The following PARM1 variants were observed in gnomAD, a reference collection of about 807,000 sequenced individuals.
The protein encoded by PARM1 is WSC4, cell wall integrity and stress response component 4 homolog.
A neutral mutation model predicts 24.6 loss-of-function variants in PARM1; 14 were observed. That is an observed-to-expected ratio of 0.57 (90% CI 0.38 to 0.89). PARM1 has a LOEUF of 0.89. PARM1 is among the 40% of genes least tolerant of loss of function. PARM1 has a pLI of 0.00. For synonymous variants in PARM1, 179 were observed against 156.6 expected (o/e 1.14, Z -1.07); for missense variants, 362 against 380.4 (o/e 0.95, Z 0.40).
At chr4:74,978,672 T>A (rs1722185870) in intron 1 of PARM1, among the ~76,000 whole-genome samples, 1 of 152,154 alleles carries the variant, frequency 6.6e-6, no homozygotes, top group African/African-American at 2.4e-5. Context: ...CTTCTCAGAA[T>A]TGCCTGACAC....
At chr4:74,954,220 T>G (rs1272802616) in intron 1 of PARM1, among the ~76,000 whole-genome samples, 2 of 152,220 alleles carry the variant, frequency 1.3e-5, no homozygotes, top group Non-Finnish European at 2.9e-5. Context: ...ATAGACCCAA[T>G]TTTTCTTTTA....
chr4:75,042,464 C>T (rs566239109), intron 3 of PARM1, among the ~76,000 whole-genome samples: 1 of 152,268 alleles, frequency 6.6e-6, no homozygotes, highest in South Asian at 2.1e-4. Flanking sequence ...AGCAAAGAGA[C>T]CTTGGTTTCA....
chr4:75,034,417 A>T (rs575867778), intron 3 of PARM1, among the ~76,000 whole-genome samples: 1 of 152,228 alleles, frequency 6.6e-6, no homozygotes, highest in Admixed American at 6.5e-5. Context: ...ATTGATTCCA[A>T]TGCAAAATGT....
chr4:75,005,210 C>T (rs13435881), intron 1 of PARM1, among the ~76,000 whole-genome samples: 31,611 of 151,946 alleles, frequency 0.21, 3,970 homozygotes, highest in East Asian at 0.34. Flanking sequence ...CTCTGCCAGG[C>T]GACCACAAGC....
intron 2 of PARM1, among the ~76,000 whole-genome samples, chr4:75,013,356 T>C (rs1432310498): frequency 6.6e-6 from 1 of 152,242 alleles, no homozygotes; most frequent in Middle Eastern, 3.2e-3. Flanking sequence ...TGCACCTTTA[T>C]GACCTGTTTT....
At chr4:75,041,428 T>C (rs1397756879) in intron 3 of PARM1, among the ~76,000 whole-genome samples, 8 of 152,180 alleles carry the variant, frequency 5.3e-5, no homozygotes. Flanking sequence ...TAGCACATGG[T>C]AAGCACTAAT....
At chr4:74,963,992 C>T (rs1560777171) in intron 1 of PARM1, among the ~76,000 whole-genome samples, 1 of 152,328 alleles carries the variant, frequency 6.6e-6, no homozygotes, top group East Asian at 1.9e-4. Context: ...AAATGTATCT[C>T]TTCCCTTCTG....
chr4:75,033,290 C>T (rs1365688464), intron 2 of PARM1, among the ~76,000 whole-genome samples: 1 of 152,128 alleles, frequency 6.6e-6, no homozygotes, highest in Non-Finnish European at 1.5e-5. Context: ...GAACATATTT[C>T]CCACAGAGGA....
At chr4:74,949,686 A>G (rs1343943024) in intron 1 of PARM1, among the ~76,000 whole-genome samples, 1 of 152,204 alleles carries the variant, frequency 6.6e-6, no homozygotes, top group African/African-American at 2.4e-5. Context: ...AACATCACCT[A>G]GGCAAGGCCA....
At chr4:74,980,351 G>C (rs752728559) in intron 1 of PARM1, among the ~76,000 whole-genome samples, 122 of 152,174 alleles carry the variant, frequency 8.0e-4, no homozygotes, top group African/African-American at 2.8e-3. Context: ...AATCATGAAC[G>C]AACTTCTATT....
At chr4:74,935,564 T>C (rs1721162980) in intron 1 of PARM1, among the ~76,000 whole-genome samples, 2 of 152,194 alleles carry the variant, frequency 1.3e-5, no homozygotes, top group Admixed American at 6.5e-5. Flanking sequence ...AGCAAATCTC[T>C]AGTTAGTTTC....
At chr4:75,010,449 T>A (rs1722849111) in intron 1 of PARM1, among the ~76,000 whole-genome samples, 1 of 152,350 alleles carries the variant, frequency 6.6e-6, no homozygotes, top group East Asian at 1.9e-4. Context: ...TTGCACAATA[T>A]GTATATATAG....
intron 1 of PARM1, among the ~76,000 whole-genome samples, chr4:74,950,711 T>G (rs1027029317): frequency 1.3e-5 from 2 of 152,242 alleles, no homozygotes; most frequent in Non-Finnish European, 2.9e-5. Flanking sequence ...ATTACTTTTA[T>G]TCAAGATAGC....
intron 1 of PARM1, among the ~76,000 whole-genome samples, chr4:74,944,157 G>A (rs1157598123): frequency 6.6e-6 from 1 of 152,080 alleles, no homozygotes; most frequent in Admixed American, 6.6e-5. Context: ...AAATACTCAT[G>A]GTGCACACTG....
chr4:74,938,801 C>T (rs1030806814), intron 1 of PARM1, among the ~76,000 whole-genome samples: 2 of 152,068 alleles, frequency 1.3e-5, no homozygotes, highest in Admixed American at 6.5e-5. Context: ...TTTAACATGG[C>T]TTATAGATGT....
At chr4:74,974,947 C>T (rs960542822) in intron 1 of PARM1, among the ~76,000 whole-genome samples, 1 of 152,142 alleles carries the variant, frequency 6.6e-6, no homozygotes, top group African/African-American at 2.4e-5. Context: ...CCTTTTGAGA[C>T]CCTGATCTCA....
intron 1 of PARM1, among the ~76,000 whole-genome samples, chr4:74,984,123 G>A (rs1259375941): frequency 1.3e-5 from 2 of 152,112 alleles, no homozygotes; most frequent in East Asian, 1.9e-4. Context: ...TAACCAATTA[G>A]TGTGACTTAT....
At chr4:74,997,187 GAGA>G (rs764639791) in intron 1 of PARM1, among the ~76,000 whole-genome samples, 9 of 152,200 alleles carry the variant, frequency 5.9e-5, no homozygotes, top group Non-Finnish European at 1.0e-4. Flanking sequence ...CTGAGCTAGA[GAGA>G]AGGTGTATCC....
intron 1 of PARM1, among the ~76,000 whole-genome samples, chr4:75,006,893 G>C (rs1342204898): frequency 6.6e-6 from 1 of 152,156 alleles, no homozygotes; most frequent in South Asian, 2.1e-4. Flanking sequence ...TTAAACTAAA[G>C]AGCTTCTGCA....
Sources: gnomAD v4.1 joint callset for allele counts (sites outside exome capture counted in the v4.1 genomes callset) on GRCh38, gnomAD v4.1.1 for gene constraint, MANE v1.5 for transcripts, NCBI Gene and HGNC (gene_info 2026-07-23, HGNC 2026-07-21) for gene names.